Variants in PAK1 observed in about 807,000 individuals in gnomAD.
The protein encoded by PAK1 is p21 (RAC1) activated kinase 1, also known as serine/threonine-protein kinase PAK 1.
Under a neutral mutation model 67.4 loss-of-function variants are expected in PAK1, and 29 were observed. The ratio of observed to expected loss-of-function variants is 0.43; its 90% CI spans 0.32 to 0.59. The LOEUF (loss-of-function observed/expected upper bound fraction) is 0.59. PAK1 is among the 20% of genes least tolerant of loss of function. PAK1 has a pLI of 0.07. For missense variants in PAK1, 337 were observed against 670.7 expected (o/e 0.50, Z 5.50); for synonymous variants, 223 against 237.4 (o/e 0.94, Z 0.56).
At chr11:77,500,375 G>C in the PAK1 span, among the ~76,000 whole-genome samples, 1 of 152,154 alleles carries the variant, frequency 6.6e-6, no homozygotes, top group Non-Finnish European at 1.5e-5. Context: ...GCTGAGGCAG[G>C]AGAATTGCTG....
intron 1 of PAK1, 116 bp downstream of exon 1, chr11:77,473,436 G>A (rs1957969736): frequency 6.6e-6 from 1 of 152,306 alleles, no homozygotes; most frequent in African/African-American, 2.4e-5. Flanking sequence ...CCAGGCGCCC[G>A]GCCCCGCAAC....
chr11:77,471,821 G>A (rs898871805), intron 1 of PAK1, among the ~76,000 whole-genome samples: 1 of 152,186 alleles, frequency 6.6e-6, no homozygotes, highest in Non-Finnish European at 1.5e-5. Flanking sequence ...CTAGCACAGG[G>A]ACTCAAAACA....
intron 1 of PAK1, among the ~76,000 whole-genome samples, chr11:77,459,100 ACTGT>A (rs1957203991): frequency 1.3e-5 from 2 of 152,196 alleles, no homozygotes; most frequent in Admixed American, 6.5e-5. Flanking sequence ...TGAAACTGAA[ACTGT>A]CTATTTAGAG....
Position 77,337,537 on chromosome 11 carries a change from C to T in PAK1, c.1117-114G>A, listed in dbSNP as rs767588760. On this transcript the variant is annotated intron_variant, in intron 11 of 14. Transcript: ENST00000356341. ...CACTTTAAAATAAAGGAAGTAAGGC[C>T]CCAGTGAGTAAAAGGACTTGCCCCA... The T allele has an allele frequency of 3.1e-5, 16 of 516,540 alleles. No individual in the cohort carries two copies. In the South Asian group the frequency reaches 5.3e-4, roughly 17 times the overall value. 32.0% of individuals were successfully genotyped at this position (516,540 alleles called of 1,614,324 possible).
At chr11:77,383,144 A>C (rs905696067) in intron 2 of PAK1, among the ~76,000 whole-genome samples, 9 of 152,154 alleles carry the variant, frequency 5.9e-5, no homozygotes, top group Admixed American at 6.5e-5. Context: ...TTCACTCTTT[A>C]TTATACCCCT....
chr11:77,459,913 G>T (rs1300509571), intron 1 of PAK1, among the ~76,000 whole-genome samples: 1 of 151,828 alleles, frequency 6.6e-6, no homozygotes, highest in East Asian at 1.9e-4. Context: ...AGCCAGGATG[G>T]TCTCGATCTC....
At chr11:77,526,439 C>T in the PAK1 span, among the ~76,000 whole-genome samples, 1 of 152,066 alleles carries the variant, frequency 6.6e-6, no homozygotes, top group Non-Finnish European at 1.5e-5. Context: ...CACCAGGGAG[C>T]AAAGGCATAA....
At chr11:77,441,605 T>C (rs1422378676) in intron 1 of PAK1, among the ~76,000 whole-genome samples, 1 of 152,222 alleles carries the variant, frequency 6.6e-6, no homozygotes. Context: ...AGCCCTAGTT[T>C]AACACTTCCT....
At chr11:77,349,479 G>T in intron 8 of PAK1, 192 bp from the exon 9 acceptor site, 1 of 577,360 alleles carries the variant, frequency 1.7e-6, no homozygotes, top group Non-Finnish European at 3.2e-6. Context: ...AGGCTCTAGT[G>T]GCCAGGAGAC....
chr11:77,325,021 C>T (rs879383728), intron 14 of PAK1, among the ~76,000 whole-genome samples: 3 of 152,154 alleles, frequency 2.0e-5, no homozygotes, highest in African/African-American at 7.2e-5. Context: ...ACAGGAGAAA[C>T]AGATGTGAAG....
intron 7 of PAK1, among the ~76,000 whole-genome samples, chr11:77,355,402 G>T (rs550295246): frequency 6.6e-6 from 1 of 151,988 alleles, no homozygotes; most frequent in South Asian, 2.1e-4. Flanking sequence ...ATTTGTCTTC[G>T]CTATAATACA....
At chr11:77,358,298 G>A (rs145339323) in intron 6 of PAK1, among the ~76,000 whole-genome samples, 231 of 152,108 alleles carry the variant, frequency 1.5e-3, no homozygotes, top group African/African-American at 5.3e-3. Flanking sequence ...TAAGTAAAAG[G>A]CACAGGGACT....
the PAK1 span, among the ~76,000 whole-genome samples, chr11:77,506,037 C>T: frequency 6.6e-6 from 1 of 152,092 alleles, no homozygotes; most frequent in East Asian, 1.9e-4. Flanking sequence ...TGCAGCCAGT[C>T]CAGCAGGGCT....
the PAK1 span, among the ~76,000 whole-genome samples, chr11:77,522,935 C>T: frequency 6.6e-6 from 1 of 152,206 alleles, no homozygotes; most frequent in Non-Finnish European, 1.5e-5. Context: ...ACACATGGAG[C>T]TGGAGGCCAT....
chr11:77,479,715 C>G, the PAK1 span, among the ~76,000 whole-genome samples: 1 of 140,814 alleles, frequency 7.1e-6, no homozygotes, highest in Non-Finnish European at 1.5e-5. Context: ...TCAAGCGATT[C>G]TCATGCCTCA....
At chr11:77,324,172 C>CTTTTTTTTT (rs11324143) in intron 14 of PAK1, among the ~76,000 whole-genome samples, 27 of 127,438 alleles carry the variant, frequency 2.1e-4, no homozygotes, top group African/African-American at 4.7e-4. Flanking sequence ...AAAGCAATTC[C>CTTTTTTTTT]TTTTTTTTTT....
chr11:77,510,308 G>T, the PAK1 span, among the ~76,000 whole-genome samples: 3 of 152,172 alleles, frequency 2.0e-5, no homozygotes, highest in East Asian at 1.9e-4. Context: ...TACTTCTGTG[G>T]TGATACGTGT....
At chr11:77,456,075 A>G (rs897434451) in intron 1 of PAK1, 10 of 152,226 alleles carry the variant, frequency 6.6e-5, no homozygotes, top group Non-Finnish European at 5.9e-5. Context: ...AGAGTTGGAA[A>G]TGATACCACT....
At chr11:77,404,469 G>A (rs1953173458) in intron 1 of PAK1, among the ~76,000 whole-genome samples, 1 of 152,018 alleles carries the variant, frequency 6.6e-6, no homozygotes, top group African/African-American at 2.4e-5. Flanking sequence ...GTTTCACCAT[G>A]TTGGCCAGGC....
Sources: allele counts gnomAD v4.1 joint callset (sites outside exome capture counted in the v4.1 genomes callset), GRCh38; gene constraint gnomAD v4.1.1; transcripts MANE v1.5; gene names NCBI Gene and HGNC (gene_info 2026-07-23, HGNC 2026-07-21).